CA1: variants seen among roughly 807,000 people sequenced by gnomAD.
CA1 encodes carbonic anhydrase 1, also known as carbonate dehydratase I.
A neutral mutation model predicts 28.8 loss-of-function variants in CA1; 27 were observed. The ratio of observed to expected loss-of-function variants is 0.94; its 90% CI spans 0.69 to 1.29. The LOEUF (loss-of-function observed/expected upper bound fraction) is 1.29. Ranked by LOEUF, CA1 falls within the 50% of genes most tolerant of loss-of-function variation. CA1 has a pLI of 0.00. For missense variants in CA1, 335 were observed against 310.5 expected (o/e 1.08, Z -0.59); for synonymous variants, 121 against 108.8 (o/e 1.11, Z -0.70).
intron 1 of CA1, among the ~76,000 whole-genome samples, chr8:85,351,576 A>G (rs924601635): frequency 6.6e-6 from 1 of 152,166 alleles, no homozygotes; most frequent in Non-Finnish European, 1.5e-5. Flanking sequence ...AATAGATGTG[A>G]CCTTTTAGTG....
At position 85,338,422 on chromosome 8, in the gene CA1, G is replaced by T; in HGVS notation, c.65C>A (p.Pro22His). The T allele has an allele frequency of 6.2e-7, 1 of 1,613,802 alleles. No homozygotes were observed. The highest frequency in any genetic ancestry group is 8.5e-7 in the Non-Finnish European group (1 of 1,179,860). Reference protein sequence around the residue: ...NGPEQWSKLYPIANGNNQSPV... With the variant: ...NGPEQWSKLYHIANGNNQSPV... ...GGACTGGTTATTTCCATTGGCAATG[G>T]GATACAGCTTGCTCCATTGTTCAGG... The change falls in exon 3 of 8, where the codon CCC becomes CAC. Residue 22 changes from proline to histidine, a missense_variant. Coordinates refer to ENST00000523022, the MANE Select transcript of CA1 (RefSeq NM_001128831.4).
chr8:85,367,284 T>A (rs1209545121), intron 1 of CA1, among the ~76,000 whole-genome samples: 5 of 152,164 alleles, frequency 3.3e-5, no homozygotes, highest in Non-Finnish European at 1.5e-5. Flanking sequence ...TACTATTTTA[T>A]TGCCTTATAA....
At chr8:85,367,529 T>C (rs1486728399) in intron 1 of CA1, among the ~76,000 whole-genome samples, 2 of 152,254 alleles carry the variant, frequency 1.3e-5, no homozygotes, top group African/African-American at 2.4e-5. Flanking sequence ...ATCTTTGCTT[T>C]GTGGTTCCTT....
At position 85,344,331 on chromosome 8, in the gene CA1, A is replaced by AAT. The variant is rs1236495195; in HGVS notation, c.-24-2674_-24-2673dup. On this transcript the variant is annotated intron_variant, in intron 1 of 7. Coordinates refer to ENST00000523022, the MANE Select transcript of CA1 (RefSeq NM_001128831.4). ...ATATATTATACAGTATATAATATATAATTTGAATTTATACATATATTATGT... is the reference window on the plus strand; with the variant it reads ...ATATATTATACAGTATATAATATATAATATTTGAATTTATACATATATTATGT... 2.2e-5 allele frequency among the ~76,000 whole-genome samples: 3 copies of AAT among 137,116 alleles called. No homozygotes were observed. The East Asian group carries it at 6.2e-4, about 28-fold the overall frequency. The allele number at this position is 137,116 out of a possible 152,430, so 90.0% of individuals were successfully genotyped here. A position where few individuals can be genotyped will look rare whatever the true frequency, so the allele number is the denominator to read the frequency against.
At chr8:85,375,288 A>C (rs1189877418) in intron 1 of CA1, among the ~76,000 whole-genome samples, 2 of 152,154 alleles carry the variant, frequency 1.3e-5, no homozygotes, top group African/African-American at 4.8e-5. Flanking sequence ...GGACACACTA[A>C]AGAAAGACAC....
Position 85,332,326 on chromosome 8 carries a change from G to C in CA1, c.513+164C>G, listed in dbSNP as rs568286800. 2.6e-4 allele frequency: 161 copies of C among 622,036 alleles called. No individual in the cohort carries two copies. In the African/African-American group the frequency reaches 2.6e-3, roughly 10 times the overall value. The allele number at this position is 622,036 out of a possible 1,614,324, so 38.5% of individuals were successfully genotyped here. On this transcript the variant is annotated intron_variant, in intron 6 of 7. Coordinates refer to ENST00000523022, the MANE Select transcript of CA1 (RefSeq NM_001128831.4). ...AAAACCAAAACAATTCCCTGCATTA[G>C]AGACTTTCTCAGAGGTAGGCAGTAT... is the stretch of plus-strand genomic sequence containing the variant.
At chr8:85,367,434 C>T (rs1299398288) in intron 1 of CA1, among the ~76,000 whole-genome samples, 8 of 152,104 alleles carry the variant, frequency 5.3e-5, no homozygotes, top group Admixed American at 5.2e-4. Flanking sequence ...TTTCACTCAA[C>T]TCTGTGGCAT....
At chr8:85,356,743 G>A (rs1050828576) in intron 1 of CA1, among the ~76,000 whole-genome samples, 12 of 152,124 alleles carry the variant, frequency 7.9e-5, no homozygotes, top group Non-Finnish European at 1.3e-4. Flanking sequence ...GATCAAGTAT[G>A]ATTAATAGCC....
intron 6 of CA1, 73 bp from the exon 7 acceptor site, chr8:85,329,917 A>G (rs1002286012): frequency 1.2e-5 from 14 of 1,172,592 alleles, no homozygotes; most frequent in Non-Finnish European, 1.5e-5. Flanking sequence ...TATATATGCT[A>G]TATTATCTTG....
Position 85,333,627 on chromosome 8 carries a change from A to G in CA1, c.355-7T>C. ...TCCAGTGAGCTACGTGAAGCTAAAA[A>G]TGATACTATGGTTAATTAATTATTT... is the stretch of plus-strand genomic sequence containing the variant. On this transcript the variant is annotated splice_region_variant and splice_polypyrimidine_tract_variant and intron_variant, in intron 4 of 7. Coordinates refer to ENST00000523022, the MANE Select transcript of CA1 (RefSeq NM_001128831.4). 1 of 1,552,286 alleles carries G rather than the reference A, an allele frequency of 6.4e-7. No homozygotes were observed. Among genetic ancestry groups the G allele is most frequent in the South Asian group, 1.1e-5 (1 of 89,812 alleles).
chr8:85,377,099 T>C (rs940411206), intron 1 of CA1, among the ~76,000 whole-genome samples: 3 of 152,206 alleles, frequency 2.0e-5, no homozygotes, highest in African/African-American at 7.2e-5. Flanking sequence ...CTATGAAAGA[T>C]TGTTTGTTAA....
At chr8:85,330,715 C>A (rs925795901) in intron 6 of CA1, among the ~76,000 whole-genome samples, 1 of 152,146 alleles carries the variant, frequency 6.6e-6, no homozygotes, top group Non-Finnish European at 1.5e-5. Context: ...ACAAGTTGAT[C>A]ATGAGGTTTT....
intron 1 of CA1, among the ~76,000 whole-genome samples, chr8:85,347,533 G>A (rs1235332560): frequency 6.6e-6 from 1 of 152,086 alleles, no homozygotes; most frequent in Non-Finnish European, 1.5e-5. Flanking sequence ...ATTTCAGGTG[G>A]GCTGGCCGCA....
At chr8:85,350,874 C>T (rs1233162779) in intron 1 of CA1, among the ~76,000 whole-genome samples, 3 of 152,138 alleles carry the variant, frequency 2.0e-5, no homozygotes, top group Non-Finnish European at 4.4e-5. Context: ...AAGATGAATT[C>T]TTGGCAATGT....
chr8:85,369,738 A>G (rs1810145879), intron 1 of CA1, among the ~76,000 whole-genome samples: 2 of 152,050 alleles, frequency 1.3e-5, no homozygotes, highest in South Asian at 4.1e-4. Context: ...TTAAGGGGAA[A>G]TGAATGGGAA....
chr8:85,359,394 C>A (rs916140134), intron 1 of CA1, among the ~76,000 whole-genome samples: 1 of 152,198 alleles, frequency 6.6e-6, no homozygotes, highest in African/African-American at 2.4e-5. Context: ...TCTATTCCTG[C>A]AGGCCAGATC....
Position 85,337,035 on chromosome 8 carries a change from G to T in CA1, c.264C>A (p.Ser88Arg). The T allele has an allele frequency of 6.2e-7, 1 of 1,612,460 alleles. No individual in the cohort carries two copies. The highest frequency in any genetic ancestry group is 8.5e-7 in the Non-Finnish European group (1 of 1,178,592). Residue 88 changes from serine (S) to arginine (R), a missense_variant, in exon 4 of 8, where the codon AGC becomes AGA. Ser to Arg is a moderately radical substitution (Grantham distance 110, BLOSUM62 -1). Transcript: ENST00000523022. ...GAAAATGGAACTGAAAGAGCCTGTA[G>T]CTGTCAGAGAAAGGACCACCTTTCA... ...SVLKGGPFSD[S>R]YRLFQFHFHW...
Position 85,338,436 on chromosome 8 carries a change from C to G in CA1, c.51G>C (p.Trp17Cys), listed in dbSNP as rs75953460. ...GYDDKNGPEQ[W>C]SKLYPIANGN... ...CATTGGCAATGGGATACAGCTTGCT[C>G]CATTGTTCAGGACCTACCAGGACAA... Residue 17 changes from tryptophan to cysteine, a missense_variant, in exon 3 of 8, where the codon TGG becomes TGC. Trp to Cys is a radical substitution (Grantham distance 215, BLOSUM62 -2). Transcript: ENST00000523022. 28 of 1,613,744 alleles carry G rather than the reference C, an allele frequency of 1.7e-5. No homozygotes were observed. Among genetic ancestry groups the G allele is most frequent in the Non-Finnish European group, 2.4e-5 (28 of 1,179,854 alleles).
At chr8:85,361,646 G>T (rs888451202) in intron 1 of CA1, among the ~76,000 whole-genome samples, 1 of 152,088 alleles carries the variant, frequency 6.6e-6, no homozygotes, top group Non-Finnish European at 1.5e-5. Context: ...TGCATTCCCT[G>T]GGTGCAATGT....
Sources: allele counts gnomAD v4.1 joint callset (sites outside exome capture counted in the v4.1 genomes callset), GRCh38; gene constraint gnomAD v4.1.1; transcripts MANE v1.5; gene names NCBI Gene and HGNC (gene_info 2026-07-23, HGNC 2026-07-21).